The following DLGAP1 variants were observed in gnomAD, a reference collection of about 807,000 sequenced individuals.
The protein encoded by DLGAP1 is DLG associated protein 1.
In DLGAP1, 11 loss-of-function variants were observed where a neutral mutation model predicts 90.8. That is an observed-to-expected ratio of 0.12 (90% CI 0.08 to 0.20). DLGAP1 has a LOEUF of 0.20. DLGAP1 is among the 10% of genes least tolerant of loss of function. DLGAP1 has a pLI of 1.00. For synonymous variants in DLGAP1, 558 were observed against 540.7 expected (o/e 1.03, Z -0.44); for missense variants, 1,050 against 1,333.8 (o/e 0.79, Z 3.31).
chr18:4,293,120 G>A (rs2079891272), intron 1 of DLGAP1: 1 of 152,234 alleles, frequency 6.6e-6, no homozygotes, highest in South Asian at 2.1e-4. Context: ...ATGATTCTAT[G>A]TCTGGAAATG....
chr18:3,566,771 C>T lies in DLGAP1; in HGVS notation c.2057+719G>A, dbSNP rs537445527. Among the ~76,000 whole-genome samples the T allele has an allele frequency of 2.6e-5, 4 of 152,204 alleles. No homozygotes were observed. The South Asian group carries it at 6.2e-4, about 24-fold the overall frequency. ...TTTTACTTTATTCAGCCAACATTTG[C>T]TGTATATTTAGTATGTGCAAATCAC... On this transcript the variant is annotated intron_variant, in intron 9 of 12. Transcript: ENST00000315677.
At chr18:3,940,124 C>T (rs2072736526) in intron 3 of DLGAP1, among the ~76,000 whole-genome samples, 1 of 152,194 alleles carries the variant, frequency 6.6e-6, no homozygotes, top group Non-Finnish European at 1.5e-5. Context: ...AGCCAGCAGC[C>T]ATGTTGTAAG....
intron 1 of DLGAP1, among the ~76,000 whole-genome samples, chr18:4,151,697 A>T (rs1251983577): frequency 6.6e-6 from 1 of 152,246 alleles, no homozygotes; most frequent in Admixed American, 6.5e-5. Flanking sequence ...GACTTTAAAA[A>T]GGGCTAAAAT....
chr18:3,507,761 G>A (rs554112396), intron 11 of DLGAP1, among the ~76,000 whole-genome samples: 91 of 99,078 alleles, frequency 9.2e-4, no homozygotes, highest in Non-Finnish European at 3.0e-4. Flanking sequence ...TTTTTTTGGA[G>A]ATGAAGTCTC....
intron 3 of DLGAP1, among the ~76,000 whole-genome samples, chr18:3,884,684 T>C (rs1234606160): frequency 1.3e-5 from 2 of 152,350 alleles, no homozygotes; most frequent in South Asian, 2.1e-4. Context: ...AAATTAATCA[T>C]ACACAGTGTG....
chr18:4,035,276 G>A (rs1478057276), intron 2 of DLGAP1, among the ~76,000 whole-genome samples: 1 of 152,164 alleles, frequency 6.6e-6, no homozygotes, highest in African/African-American at 2.4e-5. Flanking sequence ...GAGCCTGGGA[G>A]TTCAAGGCTG....
chr18:4,396,667 G>T (rs927207503), intron 1 of DLGAP1, among the ~76,000 whole-genome samples: 6 of 152,272 alleles, frequency 3.9e-5, no homozygotes, highest in African/African-American at 1.2e-4. Flanking sequence ...ACTCATGCTA[G>T]GGCTTGGGTG....
intron 1 of DLGAP1, among the ~76,000 whole-genome samples, chr18:4,243,110 C>G (rs1356452776): frequency 6.6e-6 from 1 of 152,158 alleles, no homozygotes; most frequent in East Asian, 1.9e-4. Context: ...GTGCCTTGTG[C>G]TGTAGTGTTT....
chr18:3,543,019 C>T (rs2052779965), intron 9 of DLGAP1, among the ~76,000 whole-genome samples: 1 of 152,212 alleles, frequency 6.6e-6, no homozygotes, highest in Admixed American at 6.5e-5. Flanking sequence ...GTTGAGGAAA[C>T]ACTGATGGTG....
intron 1 of DLGAP1, among the ~76,000 whole-genome samples, chr18:4,325,563 C>T (rs1470014504): frequency 1.3e-5 from 2 of 152,090 alleles, no homozygotes; most frequent in Non-Finnish European, 2.9e-5. Context: ...CCAAGGCAAT[C>T]CTAAGCAAAA....
intron 2 of DLGAP1, among the ~76,000 whole-genome samples, chr18:4,132,394 A>G (rs2076330348): frequency 6.6e-6 from 1 of 152,196 alleles, no homozygotes. Flanking sequence ...GTGAATGAAC[A>G]TAAACTCTAA....
intron 7 of DLGAP1, among the ~76,000 whole-genome samples, chr18:3,587,307 G>A (rs1209867673): frequency 6.6e-6 from 1 of 152,008 alleles, no homozygotes; most frequent in African/African-American, 2.4e-5. Flanking sequence ...CACCTGCCTC[G>A]GCCTCCCAAA....
At chr18:4,427,624 G>A (rs958955633) in intron 1 of DLGAP1, among the ~76,000 whole-genome samples, 5 of 152,248 alleles carry the variant, frequency 3.3e-5, no homozygotes, top group African/African-American at 1.2e-4. Context: ...TAGGGAGTAG[G>A]AGAGACAAAT....
chr18:3,617,537 G>A (rs979355192), intron 7 of DLGAP1, among the ~76,000 whole-genome samples: 2 of 149,268 alleles, frequency 1.3e-5, no homozygotes, highest in African/African-American at 5.0e-5. Flanking sequence ...GTTGCAGTGA[G>A]CTGAGATCCC....
At chr18:4,320,102 G>T (rs1264634282) in intron 1 of DLGAP1, among the ~76,000 whole-genome samples, 3 of 152,134 alleles carry the variant, frequency 2.0e-5, no homozygotes, top group African/African-American at 7.2e-5. Flanking sequence ...CAGAGTAGAA[G>T]GTCCTAGGGG....
chr18:3,688,641 ACACACACACACACACACACACACAC>A, intron 7 of DLGAP1, among the ~76,000 whole-genome samples: 1 of 150,180 alleles, frequency 6.7e-6, no homozygotes, highest in Non-Finnish European at 1.5e-5. Flanking sequence ...ACACACACAC[ACACACACACACACACACACACACAC>A]ACCCTACCAA....
intron 2 of DLGAP1, among the ~76,000 whole-genome samples, chr18:4,120,945 C>T (rs1245589325): frequency 6.6e-6 from 1 of 152,218 alleles, no homozygotes; most frequent in African/African-American, 2.4e-5. Context: ...GACACAGACC[C>T]TGTTCTCAGT....
chr18:3,602,407 A>G (rs913658209), intron 7 of DLGAP1, among the ~76,000 whole-genome samples: 1 of 152,002 alleles, frequency 6.6e-6, no homozygotes, highest in African/African-American at 2.4e-5. Context: ...CATCCTGGCT[A>G]AGACAGTGAA....
chr18:4,334,791 T>C (rs2081034424), intron 1 of DLGAP1, among the ~76,000 whole-genome samples: 1 of 151,902 alleles, frequency 6.6e-6, no homozygotes, highest in Admixed American at 6.6e-5. Context: ...TAAGAATGAT[T>C]TTAAATAGAA....
Sources: gnomAD v4.1 joint callset for allele counts (sites outside exome capture counted in the v4.1 genomes callset) on GRCh38, gnomAD v4.1.1 for gene constraint, MANE v1.5 for transcripts, NCBI Gene and HGNC (gene_info 2026-07-23, HGNC 2026-07-21) for gene names.